The following TRIO variants were observed in gnomAD, a reference collection of about 807,000 sequenced individuals.
The protein encoded by TRIO is triple functional domain protein.
Under a neutral mutation model 351.9 loss-of-function variants are expected in TRIO, and 58 were observed. The observed-to-expected ratio is 0.16, with a 90% CI of 0.13 to 0.21. The LOEUF (loss-of-function observed/expected upper bound fraction) is 0.21. TRIO is among the 10% of genes least tolerant of loss of function. TRIO has a pLI of 1.00. For synonymous variants in TRIO, 1,758 were observed against 1,595.7 expected (o/e 1.10, Z -2.42); for missense variants, 3,201 against 4,027.8 (o/e 0.79, Z 5.56).
chr5:14,496,020 C>G (rs1756871059), intron 49 of TRIO, among the ~76,000 whole-genome samples: 1 of 152,150 alleles, frequency 6.6e-6, no homozygotes, highest in Admixed American at 6.6e-5. Flanking sequence ...CCACCTTGAT[C>G]AGTCAGCAGC....
At chr5:14,478,452 C>T (rs1465679884) in intron 41 of TRIO, among the ~76,000 whole-genome samples, 1 of 152,242 alleles carries the variant, frequency 6.6e-6, no homozygotes, top group East Asian at 1.9e-4. Flanking sequence ...CCAAATGGAG[C>T]CACTGAAAGG....
At chr5:14,451,621 T>TA (rs1420074814) in intron 34 of TRIO, among the ~76,000 whole-genome samples, 1 of 152,272 alleles carries the variant, frequency 6.6e-6, no homozygotes, top group Non-Finnish European at 1.5e-5. Flanking sequence ...ATAGGCCAGT[T>TA]ATACCTGATT....
intron 1 of TRIO, among the ~76,000 whole-genome samples, chr5:14,266,540 C>G (rs1038298441): frequency 1.3e-5 from 2 of 152,316 alleles, no homozygotes; most frequent in East Asian, 3.9e-4. Context: ...AACATTTATG[C>G]TCACACTGAC....
Position 14,291,113 on chromosome 5 carries a change from C to A in TRIO, c.938C>A (p.Thr313Asn). Residue 313 changes from threonine to asparagine, a missense_variant, in exon 5 of 57, where the codon ACC (threonine) becomes AAC (asparagine). Coordinates refer to ENST00000344204, the MANE Select transcript of TRIO (RefSeq NM_007118.4). ...DLQNLLPKVS[T>N]MLDRLHSTRQ... ...CAGAACCTCTTGCCCAAGGTGTCCACCATGCTGGACCGGCTGCACTCGACA... is the reference window on the plus strand; with the variant it reads ...CAGAACCTCTTGCCCAAGGTGTCCAACATGCTGGACCGGCTGCACTCGACA... 2 of 1,614,192 alleles carry A rather than the reference C, an allele frequency of 1.2e-6. No homozygotes were observed. Among genetic ancestry groups the A allele is most frequent in the Non-Finnish European group, 1.7e-6 (2 of 1,180,040 alleles).
chr5:14,221,961 G>T (rs574993819), intron 1 of TRIO, among the ~76,000 whole-genome samples: 1 of 152,222 alleles, frequency 6.6e-6, no homozygotes, highest in East Asian at 1.9e-4. Flanking sequence ...TTCATCACAG[G>T]AAGAGTCGAT....
chr5:14,390,096 AT>A (rs1746918917), intron 25 of TRIO, 134 bp from the exon 26 acceptor site: 1 of 736,468 alleles, frequency 1.4e-6, no homozygotes, highest in East Asian at 2.7e-5. Context: ...GAAAGTCACA[AT>A]AACTTACCCT....
intron 43 of TRIO, among the ~76,000 whole-genome samples, chr5:14,480,761 T>C (rs1302900312): frequency 6.6e-6 from 1 of 152,152 alleles, no homozygotes; most frequent in Non-Finnish European, 1.5e-5. Context: ...GAATGCCTTT[T>C]TGTTGTGTTA....
At chr5:14,313,946 G>A (rs1215411652) in intron 8 of TRIO, among the ~76,000 whole-genome samples, 1 of 151,430 alleles carries the variant, frequency 6.6e-6, no homozygotes, top group Non-Finnish European at 1.5e-5. Flanking sequence ...TGACTGTAGG[G>A]GTTTGGCTAT....
chr5:14,160,762 T>TA (rs1450941197), intron 1 of TRIO, among the ~76,000 whole-genome samples: 2 of 152,230 alleles, frequency 1.3e-5, no homozygotes, highest in African/African-American at 4.8e-5. Flanking sequence ...TTACTTGTGT[T>TA]ACAGGTGAGG....
rs145882464 is a variant in TRIO at position 14,286,898 on chromosome 5, G to A, written c.375G>A (p.Thr125=). 32 of 1,613,622 alleles carry A rather than the reference G, an allele frequency of 2.0e-5. No individual in the cohort carries two copies. Among genetic ancestry groups the A allele is most frequent in the Middle Eastern group, 1.7e-4 (1 of 6,058 alleles). The change falls in exon 4 of 57, where the codon ACG becomes ACA. Residue 125 remains threonine, a synonymous_variant. Transcript: ENST00000344204. The surrounding 1 kb of genome is among the most constrained non-coding windows in gnomAD (Gnocchi z 4.4). ...PSEEVCKRGF[T]VIVDMRGSKW... is the part of the protein sequence containing the mutation. ...AGGAGGTCTGCAAGCGTGGCTTCAC[G>A]GTGATCGTGGACATGCGTGGGTCCA...
intron 47 of TRIO, among the ~76,000 whole-genome samples, chr5:14,485,470 C>G (rs957341089): frequency 2.6e-5 from 4 of 152,178 alleles, no homozygotes; most frequent in African/African-American, 9.7e-5. Context: ...CACTGAGCGG[C>G]TGAGTAATTT....
intron 1 of TRIO, among the ~76,000 whole-genome samples, chr5:14,193,466 T>C (rs1364132525): frequency 6.6e-6 from 1 of 152,236 alleles, no homozygotes; most frequent in Non-Finnish European, 1.5e-5. Context: ...ACATAAACAT[T>C]AACCTGTTTC....
intron 31 of TRIO, among the ~76,000 whole-genome samples, chr5:14,404,689 A>G (rs571188682): frequency 6.6e-6 from 1 of 152,200 alleles, no homozygotes; most frequent in East Asian, 1.9e-4. Flanking sequence ...CCTCGCCAGA[A>G]GACATTGGTT....
intron 7 of TRIO, among the ~76,000 whole-genome samples, chr5:14,297,759 C>T (rs914515558): frequency 5.3e-5 from 8 of 152,192 alleles, no homozygotes; most frequent in African/African-American, 1.9e-4. Flanking sequence ...GCGAAGGCAC[C>T]TCTAGCTGCA....
At chr5:14,194,143 G>A (rs187363233) in intron 1 of TRIO, among the ~76,000 whole-genome samples, 19 of 152,142 alleles carry the variant, frequency 1.2e-4, no homozygotes, top group Admixed American at 1.3e-4. Context: ...CCCATTACTC[G>A]GTACCTGTCT....
At chr5:14,506,555 G>A (rs1029832025) in intron 55 of TRIO, among the ~76,000 whole-genome samples, 5 of 152,206 alleles carry the variant, frequency 3.3e-5, no homozygotes, top group African/African-American at 9.7e-5. Flanking sequence ...GAGTCATAAG[G>A]ATTAAATGAG....
chr5:14,221,596 G>A (rs1792623789), intron 1 of TRIO, among the ~76,000 whole-genome samples: 1 of 152,176 alleles, frequency 6.6e-6, no homozygotes. Context: ...GACTTCGAAG[G>A]GTTCAGCACT....
intron 31 of TRIO, among the ~76,000 whole-genome samples, chr5:14,401,426 T>C (rs911814408): frequency 6.6e-6 from 1 of 152,162 alleles, no homozygotes; most frequent in African/African-American, 2.4e-5. Flanking sequence ...ACTTGACCTG[T>C]TTCGAAAGGA....
chr5:14,155,320 C>T (rs752242621), intron 1 of TRIO, among the ~76,000 whole-genome samples: 1 of 152,160 alleles, frequency 6.6e-6, no homozygotes, highest in Non-Finnish European at 1.5e-5. Context: ...TGTCCCTTAC[C>T]TCTAAATGGT....
Sources: gnomAD v4.1 joint callset for allele counts (sites outside exome capture counted in the v4.1 genomes callset) on GRCh38, gnomAD v4.1.1 for gene constraint, Gnocchi (gnomAD v3.1) non-coding constraint, MANE v1.5 for transcripts, NCBI Gene and HGNC (gene_info 2026-07-23, HGNC 2026-07-21) for gene names.